SPPL3: variants seen among roughly 807,000 people sequenced by gnomAD.
SPPL3 encodes signal peptide peptidase-like 3.
In SPPL3, 5 loss-of-function variants were observed where a neutral mutation model predicts 42.4. The observed-to-expected ratio is 0.12, with a 90% CI of 0.06 to 0.25. The LOEUF is 0.25. Ranked by LOEUF, SPPL3 falls within the 10% of genes least tolerant of loss-of-function variation. SPPL3 has a pLI of 1.00. For synonymous variants in SPPL3, 195 were observed against 181.8 expected, an observed-to-expected ratio of 1.07 and a Z score of -0.58; for missense variants, 235 against 489.0, an observed-to-expected ratio of 0.48 and a Z score of 4.90.
chr12:120,768,655 TTC>T, intron 7 of SPPL3, 167 bp from the exon 8 acceptor site: 1 of 811,028 alleles, frequency 1.2e-6, no homozygotes, highest in Non-Finnish European at 1.9e-6. Context: ...ACTTGCCAAT[TTC>T]TGCACTCTCC....
At chr12:120,851,582 C>A (rs756867313) in intron 1 of SPPL3, among the ~76,000 whole-genome samples, 106 of 152,148 alleles carry the variant, frequency 7.0e-4, no homozygotes, top group Non-Finnish European at 1.5e-3. Flanking sequence ...TGGGACACTG[C>A]CACTCTCGTT....
intron 1 of SPPL3, among the ~76,000 whole-genome samples, chr12:120,888,022 T>C (rs537915355): frequency 6.6e-6 from 1 of 152,308 alleles, no homozygotes; most frequent in Admixed American, 6.5e-5. Flanking sequence ...CCAAGAGAAA[T>C]AAAAACATAC....
At chr12:120,852,255 C>A (rs1009876649) in intron 1 of SPPL3, among the ~76,000 whole-genome samples, 1 of 150,766 alleles carries the variant, frequency 6.6e-6, no homozygotes, top group East Asian at 1.9e-4. Flanking sequence ...AGTTTGTCAT[C>A]GCACATAGTT....
At chr12:120,838,893 C>T (rs1256669400) in intron 1 of SPPL3, among the ~76,000 whole-genome samples, 1 of 152,198 alleles carries the variant, frequency 6.6e-6, no homozygotes, top group African/African-American at 2.4e-5. Context: ...AACAGGAACA[C>T]TTTTACACTG....
intron 3 of SPPL3, among the ~76,000 whole-genome samples, 182 bp from the exon 4 acceptor site, chr12:120,784,775 T>C (rs3213566): frequency 0.45 from 68,751 of 152,006 alleles, 17,603 homozygotes; most frequent in Middle Eastern, 0.63. Context: ...GTTCTCTTCA[T>C]GGTGCCTTTC....
chr12:120,822,764 C>T (rs753474819), intron 1 of SPPL3, among the ~76,000 whole-genome samples: 19 of 152,108 alleles, frequency 1.2e-4, no homozygotes, highest in Admixed American at 4.6e-4. Flanking sequence ...GCATATACCA[C>T]GGTCACCTCA....
At chr12:120,868,035 C>T (rs993259560) in intron 1 of SPPL3, among the ~76,000 whole-genome samples, 3 of 152,140 alleles carry the variant, frequency 2.0e-5, no homozygotes, top group East Asian at 1.9e-4. Flanking sequence ...GCATGGGCCA[C>T]GGCACCCAGC....
chr12:120,787,939 T>C (rs1009553981), intron 3 of SPPL3, among the ~76,000 whole-genome samples: 2 of 152,202 alleles, frequency 1.3e-5, no homozygotes, highest in African/African-American at 4.8e-5. Flanking sequence ...TTGTTTCCAA[T>C]TTTTTGGTTA....
At chr12:120,874,346 A>T (rs774128397) in intron 1 of SPPL3, among the ~76,000 whole-genome samples, 9 of 150,998 alleles carry the variant, frequency 6.0e-5, no homozygotes, top group Non-Finnish European at 1.0e-4. Flanking sequence ...CCAGATACTC[A>T]GGAGGCTGAG....
At chr12:120,773,921 C>T (rs1359979628) in intron 6 of SPPL3, among the ~76,000 whole-genome samples, 1 of 152,194 alleles carries the variant, frequency 6.6e-6, no homozygotes, top group African/African-American at 2.4e-5. Flanking sequence ...AACTTTTGTA[C>T]TCAATTTGCC....
chr12:120,844,285 TTC>T (rs935917204), intron 1 of SPPL3, among the ~76,000 whole-genome samples: 4 of 152,176 alleles, frequency 2.6e-5, no homozygotes, highest in East Asian at 1.9e-4. Flanking sequence ...ACCCTTCCAC[TTC>T]TGTTTCCCCG....
chr12:120,779,979 C>G (rs1053509718), intron 6 of SPPL3, among the ~76,000 whole-genome samples: 8 of 146,864 alleles, frequency 5.4e-5, no homozygotes, highest in African/African-American at 2.0e-4. Flanking sequence ...GCCTGGGCAA[C>G]AGAGTGAGAC....
At chr12:120,855,062 G>A (rs771182822) in intron 1 of SPPL3, among the ~76,000 whole-genome samples, 2 of 152,076 alleles carry the variant, frequency 1.3e-5, no homozygotes, top group Non-Finnish European at 1.5e-5. Context: ...TAGTGTGTAG[G>A]AAAGAGGAGA....
chr12:120,778,627 A>G (rs1869419323), intron 6 of SPPL3, among the ~76,000 whole-genome samples: 1 of 152,144 alleles, frequency 6.6e-6, no homozygotes, highest in African/African-American at 2.4e-5. Context: ...CTTTTTAACA[A>G]ATGTATTTTA....
intron 1 of SPPL3, among the ~76,000 whole-genome samples, chr12:120,821,897 T>A (rs1463102604): frequency 6.6e-6 from 1 of 152,140 alleles, no homozygotes; most frequent in Non-Finnish European, 1.5e-5. Flanking sequence ...AGCCATCCAA[T>A]CAAATATTAT....
chr12:120,767,203 C>T (rs941956421), intron 9 of SPPL3, among the ~76,000 whole-genome samples, 191 bp downstream of exon 9: 3 of 152,196 alleles, frequency 2.0e-5, no homozygotes, highest in African/African-American at 7.2e-5. Context: ...TTCAGATACA[C>T]AGCTGGAGAG....
Position 120,802,335 on chromosome 12 carries a change from A to ATATGTATG in SPPL3, c.101+8466_101+8473dup, listed in dbSNP as rs201825056. ...TACATTTTTGGGCTGCTGCTTTTAT[A>ATATGTATG]TATGTATGTATGTATGTATGTGTGT... is the stretch of plus-strand genomic sequence containing the variant. On this transcript the variant is annotated intron_variant, in intron 2 of 10. Transcript: ENST00000353487. Among the ~76,000 whole-genome samples the ATATGTATG allele has an allele frequency of 3.3e-4, 48 of 147,464 alleles. 1 individual carries two copies. The highest frequency in any genetic ancestry group is 5.3e-4 in the African/African-American group (21 of 39,266).
rs1487203931 is a variant in SPPL3, at chr12:120,767,410, G to A, written c.957C>T (p.Leu319=). The stretch of plus-strand genomic sequence containing the variant: ...TTCTCTTACCTACAAAGTATCCGAT[G>A]AGGGTGCAGTGAAAGTAGGAGACCT... ...MQKVSYFHCT[L]IGYFVGLLTA... The change falls in exon 9 of 11, where the codon CTC becomes CTT. Residue 319 remains leucine (L), a synonymous_variant. Transcript: ENST00000353487. 9 of 1,613,010 alleles carry A rather than the reference G, an allele frequency of 5.6e-6. No homozygotes were observed. Among genetic ancestry groups the A allele is most frequent in the Non-Finnish European group, 7.6e-6 (9 of 1,180,020 alleles).
intron 1 of SPPL3, among the ~76,000 whole-genome samples, chr12:120,820,305 A>AT (rs754034719): frequency 0.017 from 2,394 of 138,616 alleles, 37 homozygotes; most frequent in Non-Finnish European, 0.029. Context: ...TCTTTCTCTA[A>AT]ATTTTTTTTT....
Sources: gnomAD v4.1 joint callset for allele counts (sites outside exome capture counted in the v4.1 genomes callset) on GRCh38, gnomAD v4.1.1 for gene constraint, MANE v1.5 for transcripts, NCBI Gene and HGNC (gene_info 2026-07-23, HGNC 2026-07-21) for gene names.